The following MARCHF3 variants were observed in gnomAD, a reference collection of about 807,000 sequenced individuals.
MARCHF3 encodes the protein E3 ubiquitin-protein ligase MARCHF3.
In MARCHF3, 13 loss-of-function variants were observed where a neutral mutation model predicts 24.2. That is an observed-to-expected ratio of 0.54 (90% CI 0.35 to 0.85). The LOEUF is 0.85. MARCHF3 is among the 40% of genes least tolerant of loss of function. The pLI is 0.01. For synonymous variants in MARCHF3, 144 were observed against 137.3 expected, an observed-to-expected ratio of 1.05 and a Z score of -0.34; for missense variants, 276 against 325.0, an observed-to-expected ratio of 0.85 and a Z score of 1.16.
At chr5:126,879,284 C>T (rs1362995141) in intron 3 of MARCHF3, among the ~76,000 whole-genome samples, 1 of 152,180 alleles carries the variant, frequency 6.6e-6, no homozygotes, top group Non-Finnish European at 1.5e-5. Flanking sequence ...TGTAATAAAC[C>T]ATAACCATAA....
chr5:127,010,226 G>A (rs944359292), intron 1 of MARCHF3, among the ~76,000 whole-genome samples: 5 of 152,136 alleles, frequency 3.3e-5, no homozygotes, highest in African/African-American at 4.8e-5. Context: ...AATTTCATAA[G>A]GTGGTAAGGG....
At chr5:126,895,624 G>A (rs1036822241) in intron 3 of MARCHF3, among the ~76,000 whole-genome samples, 3 of 152,086 alleles carry the variant, frequency 2.0e-5, no homozygotes, top group Non-Finnish European at 4.4e-5. Flanking sequence ...TATGCTGCTC[G>A]GGGGTCAGGG....
chr5:127,019,849 T>C (rs1319556896), intron 1 of MARCHF3, among the ~76,000 whole-genome samples: 2 of 152,236 alleles, frequency 1.3e-5, no homozygotes, highest in Non-Finnish European at 2.9e-5. Context: ...ACCACATTAC[T>C]TCCATGTGGA....
At chr5:126,883,742 G>A (rs1753415092) in intron 3 of MARCHF3, among the ~76,000 whole-genome samples, 1 of 152,212 alleles carries the variant, frequency 6.6e-6, no homozygotes, top group Admixed American at 6.5e-5. Flanking sequence ...CAGAACTTTA[G>A]ACTCTGCCTC....
chr5:126,918,112 A>G lies in MARCHF3; in HGVS notation c.60T>C (p.Ala20=). The G allele has an allele frequency of 6.2e-7, 1 of 1,614,188 alleles. No individual in the cohort carries two copies. The highest frequency in any genetic ancestry group is 1.1e-5 in the South Asian group (1 of 91,086). The part of the protein sequence containing the change: ...PEVLPDCTSS[A]APVVKTVEDC... ...CCTCCACCGTCTTCACCACGGGTGC[A>G]GCTGAGCTGGTGCAGTCTGGCAGGA... The change falls in exon 2 of 5, where the codon GCT becomes GCC. Residue 20 remains alanine (A), a synonymous_variant. Transcript: ENST00000308660.
intron 1 of MARCHF3, among the ~76,000 whole-genome samples, chr5:126,965,092 T>C (rs922997917): frequency 1.3e-5 from 2 of 151,786 alleles, no homozygotes; most frequent in African/African-American, 4.8e-5. Flanking sequence ...TTTCTAATGA[T>C]GACTCCTCTC....
At position 126,904,067 on chromosome 5, in the gene MARCHF3, G is replaced by T. The variant is rs529895586; in HGVS notation, c.393+10863C>A. ...CTATGAGTGAGAATATGCAGTGTTT[G>T]GTTTTTTGTTCTTGCGATAGTTTAC... On this transcript the variant is annotated intron_variant, in intron 3 of 4. Transcript: ENST00000308660. 2.9e-4 allele frequency among the ~76,000 whole-genome samples: 43 copies of T among 149,792 alleles called. No homozygotes were observed. In the South Asian group the frequency reaches 6.6e-3, roughly 23 times the overall value.
chr5:126,949,882 T>G (rs539445112), intron 1 of MARCHF3, among the ~76,000 whole-genome samples: 1 of 152,166 alleles, frequency 6.6e-6, no homozygotes, highest in Admixed American at 6.5e-5. Context: ...AAGAGATAGC[T>G]TCTGTGATCC....
chr5:127,010,625 C>T (rs1271964341), intron 1 of MARCHF3, among the ~76,000 whole-genome samples: 1 of 152,154 alleles, frequency 6.6e-6, no homozygotes, highest in Non-Finnish European at 1.5e-5. Flanking sequence ...AACACACTAT[C>T]CCTGGATCAA....
chr5:126,917,170 A>C (rs767419276), intron 2 of MARCHF3, among the ~76,000 whole-genome samples: 4 of 152,178 alleles, frequency 2.6e-5, no homozygotes, highest in Non-Finnish European at 5.9e-5. Flanking sequence ...CTAGGGGGCA[A>C]ATCCAATGTT....
intron 1 of MARCHF3, among the ~76,000 whole-genome samples, chr5:126,969,385 A>C (rs1042737513): frequency 2.0e-5 from 3 of 152,214 alleles, no homozygotes; most frequent in Non-Finnish European, 4.4e-5. Context: ...GGTGTATATT[A>C]CTATTTAGGT....
intron 1 of MARCHF3, among the ~76,000 whole-genome samples, chr5:126,975,400 T>C (rs1561455007): frequency 6.6e-6 from 1 of 152,262 alleles, no homozygotes; most frequent in Non-Finnish European, 1.5e-5. Context: ...TACAATGAGA[T>C]GTTTGATATA....
Position 126,870,490 on chromosome 5 carries a change from T to G in MARCHF3, c.*143A>C. On this transcript the variant is annotated 3_prime_UTR_variant, in exon 5 of 5. Transcript: ENST00000308660. ...CTTTCTTCTGGCGGAGGTTGTTGCT[T>G]GGAGTGATGTGCTAATATGCTCTGG... 2 of 642,128 alleles carry G rather than the reference T, an allele frequency of 3.1e-6. No homozygotes were observed. Among genetic ancestry groups the G allele is most frequent in the Admixed American group, 5.9e-5 (2 of 34,092 alleles). 39.8% of individuals were successfully genotyped at this position (642,128 alleles called of 1,614,324 possible). A position where few individuals can be genotyped will look rare whatever the true frequency, so the allele number is the denominator to read the frequency against.
intron 1 of MARCHF3, among the ~76,000 whole-genome samples, chr5:127,006,098 G>C (rs1752305104): frequency 6.6e-6 from 1 of 151,122 alleles, no homozygotes; most frequent in Admixed American, 6.6e-5. Context: ...AGCTACTCGG[G>C]ATGTTGAGGT....
At chr5:126,957,948 T>G (rs77938577) in intron 1 of MARCHF3, among the ~76,000 whole-genome samples, 2,505 of 152,264 alleles carry the variant, frequency 0.016, 64 homozygotes, top group African/African-American at 0.057. Context: ...TTTTGCTCAG[T>G]ATTTTAGTTT....
intron 1 of MARCHF3, among the ~76,000 whole-genome samples, chr5:126,968,856 A>G (rs1396818102): frequency 1.3e-5 from 2 of 151,872 alleles, no homozygotes; most frequent in African/African-American, 4.8e-5. Flanking sequence ...TGCCTAGCCT[A>G]TTTTTTTCAA....
intron 3 of MARCHF3, among the ~76,000 whole-genome samples, chr5:126,898,146 C>T (rs1218315932): frequency 6.6e-6 from 1 of 151,960 alleles, no homozygotes; most frequent in Non-Finnish European, 1.5e-5. Flanking sequence ...GACTATACAA[C>T]CGTGAAAATA....
At chr5:126,960,476 C>A (rs1235188141) in intron 1 of MARCHF3, among the ~76,000 whole-genome samples, 1 of 151,922 alleles carries the variant, frequency 6.6e-6, no homozygotes, top group East Asian at 1.9e-4. Flanking sequence ...TATTCAATAC[C>A]CTTACAGAAG....
chr5:126,890,765 T>C (rs934167185), intron 3 of MARCHF3, among the ~76,000 whole-genome samples: 1 of 150,898 alleles, frequency 6.6e-6, no homozygotes. Flanking sequence ...CATGTGTCTT[T>C]ATAGCAGCAT....
Sources: gnomAD v4.1 joint callset for allele counts (sites outside exome capture counted in the v4.1 genomes callset) on GRCh38, gnomAD v4.1.1 for gene constraint, MANE v1.5 for transcripts, NCBI Gene and HGNC (gene_info 2026-07-23, HGNC 2026-07-21) for gene names.